Variants in FILIP1 observed in about 807,000 individuals in gnomAD.
The protein encoded by FILIP1 is filamin-A-interacting protein 1.
FILIP1 carries 61 observed loss-of-function variants against 102.1 expected under a neutral mutation model. The observed-to-expected ratio is 0.60, with a 90% confidence interval of 0.49 to 0.74. FILIP1 has a LOEUF of 0.74. Ranked by LOEUF, FILIP1 falls within the 30% of genes least tolerant of loss-of-function variation. The pLI is 0.00. For synonymous variants in FILIP1, 491 were observed against 526.9 expected (o/e 0.93, Z 0.93); for missense variants, 1,314 against 1,441.2 (o/e 0.91, Z 1.43).
intron 1 of FILIP1, among the ~76,000 whole-genome samples, chr6:75,473,549 T>C (rs1779391216): frequency 6.6e-6 from 1 of 152,182 alleles, no homozygotes; most frequent in African/African-American, 2.4e-5. Context: ...TTGTCTGTGC[T>C]TCCAGCTTTT....
At chr6:75,426,412 C>A (rs1582486574) in intron 1 of FILIP1, among the ~76,000 whole-genome samples, 2 of 152,202 alleles carry the variant, frequency 1.3e-5, no homozygotes, top group Middle Eastern at 6.8e-3. Flanking sequence ...ATTGGCCATG[C>A]CATGGGATAT....
rs1382699067 is a variant in FILIP1, at chr6:75,313,083, CTGG to C, written c.2746_2748del (p.Pro916del). The C allele has an allele frequency of 2.5e-6, 4 of 1,614,106 alleles. No individual in the cohort carries two copies. The South Asian group carries it at 4.4e-5, about 18-fold the overall frequency. On this transcript the variant is annotated inframe_deletion, in exon 5 of 6. Transcript: ENST00000237172. This position sits in a 1 kb window ranked among gnomAD's most constrained non-coding sequence, Gnocchi z 4.2. ...AAAGTCGCAGTGCTGTTCTCGTGGT[CTGG>C]TGTCACTCGAATATGCAGGGGCTGG...
At chr6:75,428,468 A>G (rs959204208) in intron 1 of FILIP1, 1 of 154,260 alleles carries the variant, frequency 6.5e-6, no homozygotes, top group African/African-American at 2.4e-5. Context: ...GGGCCTGAGA[A>G]TTTGCATTTC....
Position 75,313,153 on chromosome 6 carries a change from A to G in FILIP1, c.2679T>C (p.Ser893=), listed in dbSNP as rs1471038307. ...GGACTACCTCTCCTGGGTGCCCTGG[A>G]CTGGAATTTGTTCGGGGCCCTTTCT... ...TQEKGPRTNS[S]PGHPGEVVLS... is the part of the protein sequence containing the mutation. Residue 893 remains serine (S), a synonymous_variant, in exon 5 of 6, where the codon AGT becomes AGC. Coordinates refer to ENST00000237172, the MANE Select transcript of FILIP1 (RefSeq NM_015687.5). This position sits in a 1 kb window ranked among gnomAD's most constrained non-coding sequence, Gnocchi z 4.2. 1.9e-6 allele frequency: 3 copies of G among 1,614,104 alleles called. No individual in the cohort carries two copies. The South Asian group carries it at 3.3e-5, about 18-fold the overall frequency.
intron 5 of FILIP1, among the ~76,000 whole-genome samples, chr6:75,309,222 C>T (rs1366277859): frequency 2.0e-5 from 3 of 152,162 alleles, no homozygotes; most frequent in Non-Finnish European, 4.4e-5. Flanking sequence ...ACTCAGGCAA[C>T]TTTACTCCTA....
intron 2 of FILIP1, among the ~76,000 whole-genome samples, chr6:75,406,254 G>A (rs997956640): frequency 9.9e-5 from 15 of 152,042 alleles, no homozygotes; most frequent in Non-Finnish European, 1.3e-4. Context: ...TGGAGGTGTC[G>A]TTTTACCTCC....
chr6:75,374,307 C>G (rs1775676677), intron 2 of FILIP1, among the ~76,000 whole-genome samples: 1 of 152,134 alleles, frequency 6.6e-6, no homozygotes, highest in Admixed American at 6.5e-5. Flanking sequence ...TAGGCAGAGC[C>G]CTTAAACTGC....
chr6:75,464,674 T>C (rs1779114116), intron 1 of FILIP1, among the ~76,000 whole-genome samples: 1 of 152,228 alleles, frequency 6.6e-6, no homozygotes, highest in South Asian at 2.1e-4. Flanking sequence ...AACTTCATAC[T>C]ATTCTCCCAA....
At chr6:75,345,254 C>T (rs1290783903) in intron 4 of FILIP1, among the ~76,000 whole-genome samples, 1 of 151,696 alleles carries the variant, frequency 6.6e-6, no homozygotes, top group Admixed American at 6.6e-5. Flanking sequence ...TCCTTTTGTA[C>T]AATTGATATA....
rs190633371 is a variant in FILIP1, at chr6:75,311,122, T to C, written c.3435+1275A>G. Among the ~76,000 whole-genome samples the C allele has an allele frequency of 6.6e-5, 10 of 152,322 alleles. 1 individual carries two copies. Among genetic ancestry groups the C allele is most frequent in the Middle Eastern group, 3.4e-3 (1 of 294 alleles). The stretch of plus-strand genomic sequence containing the variant: ...TCTTCTATAATTACATTTGCCAATT[T>C]GCCACCAATAAATGAAGACAATCAC... On this transcript the variant is annotated intron_variant, in intron 5 of 5. Transcript: ENST00000237172.
Position 75,314,884 on chromosome 6 carries a change from C to G in FILIP1, c.948G>C (p.Glu316Asp). 1 of 1,614,112 alleles carries G rather than the reference C, an allele frequency of 6.2e-7. No homozygotes were observed. Among genetic ancestry groups the G allele is most frequent in the Non-Finnish European group, 8.5e-7 (1 of 1,180,026 alleles). The change falls in exon 5 of 6, where the codon GAG becomes GAC. Residue 316 changes from glutamate (E) to aspartate (D), a missense_variant. Physicochemically the swap from Glu to Asp is conservative, Grantham distance 45. Coordinates refer to ENST00000237172, the MANE Select transcript of FILIP1 (RefSeq NM_015687.5). ...CTTGATTAGCCAGTTTAGCGTTCAT[C>G]TCTTCATGCTCTTGAGAAAACCTCG... ...KASRFSQEHE[E>D]MNAKLANQES...
chr6:75,399,841 T>G (rs1186165536), intron 2 of FILIP1, among the ~76,000 whole-genome samples: 1 of 152,246 alleles, frequency 6.6e-6, no homozygotes, highest in Non-Finnish European at 1.5e-5. Flanking sequence ...TTTTAATCTT[T>G]GTATTATGAA....
chr6:75,411,026 C>A (rs1777050626), intron 2 of FILIP1, among the ~76,000 whole-genome samples: 1 of 152,184 alleles, frequency 6.6e-6, no homozygotes, highest in South Asian at 2.1e-4. Flanking sequence ...AACTAATTTA[C>A]ACTCCCACCA....
At chr6:75,362,969 C>G (rs779569243) in intron 2 of FILIP1, 52 bp from the exon 3 acceptor site, 2 of 1,565,276 alleles carry the variant, frequency 1.3e-6, no homozygotes, top group South Asian at 2.2e-5. Flanking sequence ...AAATCGCATA[C>G]TGGGCTCAAA....
intron 1 of FILIP1, among the ~76,000 whole-genome samples, chr6:75,470,337 A>G (rs925548476): frequency 6.6e-6 from 1 of 152,210 alleles, no homozygotes. Flanking sequence ...GTTTGAAGAA[A>G]CAGAATAGAG....
chr6:75,305,042 C>T (rs1772941606), downstream of FILIP1, among the ~76,000 whole-genome samples: 1 of 152,040 alleles, frequency 6.6e-6, no homozygotes, highest in African/African-American at 2.4e-5. Context: ...TGAGAGAGGT[C>T]AGAGGATAGC....
At chr6:75,407,458 C>G (rs763996841) in intron 2 of FILIP1, among the ~76,000 whole-genome samples, 1 of 152,176 alleles carries the variant, frequency 6.6e-6, no homozygotes, top group African/African-American at 2.4e-5. Context: ...CATCTCCTGA[C>G]CTTGTGATCC....
chr6:75,457,905 T>C (rs1006938526), intron 1 of FILIP1, among the ~76,000 whole-genome samples: 1 of 152,188 alleles, frequency 6.6e-6, no homozygotes, highest in Non-Finnish European at 1.5e-5. Context: ...CCATATATTT[T>C]TTAAAAACTT....
chr6:75,293,834 A>G (rs1019713065), exon 7 of FILIP1: 6 of 152,220 alleles, frequency 3.9e-5, no homozygotes, highest in Non-Finnish European at 8.8e-5. Flanking sequence ...AGGATACTTA[A>G]CTGTGAGTCA....
Sources: gnomAD v4.1 joint callset for allele counts (sites outside exome capture counted in the v4.1 genomes callset) on GRCh38, gnomAD v4.1.1 for gene constraint, Gnocchi (gnomAD v3.1) non-coding constraint, MANE v1.5 for transcripts, NCBI Gene and HGNC (gene_info 2026-07-23, HGNC 2026-07-21) for gene names.